MMP16: variants seen among roughly 807,000 people sequenced by gnomAD.
MMP16 encodes matrix metallopeptidase 16.
Under a neutral mutation model 67.8 loss-of-function variants are expected in MMP16, and 12 were observed. The ratio of observed to expected loss-of-function variants is 0.18; its 90% CI spans 0.11 to 0.29. The LOEUF (loss-of-function observed/expected upper bound fraction) is 0.29. Ranked by LOEUF, MMP16 falls within the 10% of genes least tolerant of loss-of-function variation. The pLI is 1.00. For missense variants in MMP16, 475 were observed against 765.7 expected (o/e 0.62, Z 4.48); for synonymous variants, 249 against 255.9 (o/e 0.97, Z 0.26).
At chr8:88,081,368 T>A (rs1009452612) in intron 6 of MMP16, among the ~76,000 whole-genome samples, 1 of 152,166 alleles carries the variant, frequency 6.6e-6, no homozygotes, top group Admixed American at 6.5e-5. Context: ...TATCAGAATT[T>A]CTCAGAAAAT....
intron 2 of MMP16, among the ~76,000 whole-genome samples, chr8:88,191,565 G>A (rs1809169246): frequency 1.3e-5 from 2 of 151,666 alleles, no homozygotes; most frequent in Non-Finnish European, 2.9e-5. Flanking sequence ...ATTTTTTTTG[G>A]TACTTTGATA....
intron 1 of MMP16, among the ~76,000 whole-genome samples, chr8:88,267,954 A>G (rs1200936337): frequency 6.6e-6 from 1 of 152,170 alleles, no homozygotes; most frequent in East Asian, 1.9e-4. Flanking sequence ...TATAGTTTAA[A>G]TTAAAAAGGC....
chr8:88,208,815 T>C (rs1489222095), intron 1 of MMP16, among the ~76,000 whole-genome samples: 2 of 32,142 alleles, frequency 6.2e-5, no homozygotes, highest in Admixed American at 4.9e-4. Context: ...GTTGTAGATA[T>C]GGCAAAAAAA....
At chr8:88,071,848 A>G (rs1039259274) in intron 7 of MMP16, among the ~76,000 whole-genome samples, 1 of 152,180 alleles carries the variant, frequency 6.6e-6, no homozygotes, top group Non-Finnish European at 1.5e-5. Context: ...CAAAAAACAA[A>G]GAAAGGTATA....
intron 1 of MMP16, among the ~76,000 whole-genome samples, chr8:88,304,037 C>G (rs193002424): frequency 6.6e-6 from 1 of 152,156 alleles, no homozygotes; most frequent in African/African-American, 2.4e-5. Flanking sequence ...TGAAAAGAAA[C>G]TAAGAATCAT....
At chr8:88,123,514 TG>T (rs1218913587) in intron 4 of MMP16, among the ~76,000 whole-genome samples, 2 of 151,990 alleles carry the variant, frequency 1.3e-5, no homozygotes, top group East Asian at 3.9e-4. Flanking sequence ...CAGGAAAACG[TG>T]GTTCCTGCCA....
At chr8:88,322,598 G>C (rs1811477283) in intron 1 of MMP16, among the ~76,000 whole-genome samples, 1 of 151,910 alleles carries the variant, frequency 6.6e-6, no homozygotes, top group African/African-American at 2.4e-5. Flanking sequence ...GGAGGTCAAG[G>C]AGGGAGAATC....
intron 1 of MMP16, among the ~76,000 whole-genome samples, chr8:88,273,826 A>T (rs1389346251): frequency 1.3e-5 from 2 of 152,190 alleles, no homozygotes; most frequent in African/African-American, 4.8e-5. Context: ...CAACCTGAGT[A>T]TAGACAAGAA....
At position 88,284,665 on chromosome 8, in the gene MMP16, T is replaced by C. The variant is rs561975446; in HGVS notation, c.132+42410A>G. On this transcript the variant is annotated intron_variant, in intron 1 of 9. Transcript: ENST00000286614. ...ACAATGGAGATGGCTAGAAGAACGC[T>C]GCTAAGTGCTATTTACTCACCATGT... Among the ~76,000 whole-genome samples the C allele has an allele frequency of 2.0e-4, 30 of 152,244 alleles. No individual in the cohort carries two copies. The South Asian group carries it at 5.4e-3, about 27-fold the overall frequency.
chr8:88,315,590 C>T (rs1811364368), intron 1 of MMP16, among the ~76,000 whole-genome samples: 1 of 152,058 alleles, frequency 6.6e-6, no homozygotes, highest in Non-Finnish European at 1.5e-5. Context: ...TTTAAGATGC[C>T]AAACTTAGTA....
chr8:88,104,515 T>C (rs529444768), intron 6 of MMP16, among the ~76,000 whole-genome samples: 1 of 151,776 alleles, frequency 6.6e-6, no homozygotes, highest in South Asian at 2.1e-4. Context: ...GTGCAATGCA[T>C]TACTCATGTG....
chr8:88,061,987 G>A (rs1233597439), intron 7 of MMP16, among the ~76,000 whole-genome samples: 16 of 151,678 alleles, frequency 1.1e-4, no homozygotes, highest in Non-Finnish European at 2.9e-5. Flanking sequence ...TTGCTATAAA[G>A]TTGCATGACA....
chr8:88,313,084 T>A (rs536429984), intron 1 of MMP16, among the ~76,000 whole-genome samples: 1 of 152,374 alleles, frequency 6.6e-6, no homozygotes, highest in East Asian at 1.9e-4. Context: ...GCCTAATTGT[T>A]TTGGCATTCT....
At chr8:88,275,879 T>A (rs1267371214) in intron 1 of MMP16, among the ~76,000 whole-genome samples, 1 of 151,932 alleles carries the variant, frequency 6.6e-6, no homozygotes, top group Non-Finnish European at 1.5e-5. Context: ...GGGAATCCAA[T>A]TTTTTTAGCC....
At chr8:88,128,985 T>C (rs1807982995) in intron 4 of MMP16, among the ~76,000 whole-genome samples, 1 of 151,768 alleles carries the variant, frequency 6.6e-6, no homozygotes. Context: ...ACAGAAGGGA[T>C]GTACAAATTC....
At chr8:88,266,055 A>G (rs1810472183) in intron 1 of MMP16, among the ~76,000 whole-genome samples, 1 of 152,202 alleles carries the variant, frequency 6.6e-6, no homozygotes, top group Admixed American at 6.5e-5. Flanking sequence ...GCATTCTGCA[A>G]GGGACATGAT....
At chr8:88,235,770 T>C (rs976996448) in intron 1 of MMP16, among the ~76,000 whole-genome samples, 2 of 152,182 alleles carry the variant, frequency 1.3e-5, no homozygotes, top group African/African-American at 4.8e-5. Flanking sequence ...CAACAGGCCA[T>C]GCTCCCTACA....
chr8:88,142,770 G>A (rs1250047346), intron 4 of MMP16, among the ~76,000 whole-genome samples: 1 of 152,020 alleles, frequency 6.6e-6, no homozygotes, highest in Non-Finnish European at 1.5e-5. Context: ...TTGTTTAAAT[G>A]GTGATTGTAT....
At chr8:88,324,067 T>C (rs1811501198) in intron 1 of MMP16, among the ~76,000 whole-genome samples, 1 of 152,066 alleles carries the variant, frequency 6.6e-6, no homozygotes, top group African/African-American at 2.4e-5. Flanking sequence ...CCTAAGTGAG[T>C]ATATACTGAA....
Sources: allele counts gnomAD v4.1 joint callset (sites outside exome capture counted in the v4.1 genomes callset), GRCh38; gene constraint gnomAD v4.1.1; transcripts MANE v1.5; gene names NCBI Gene and HGNC (gene_info 2026-07-23, HGNC 2026-07-21).